ENTREP2: variants seen among roughly 807,000 people sequenced by gnomAD.
ENTREP2 encodes protein ENTREP2.
the ENTREP2 span, among the ~76,000 whole-genome samples, chr15:29,153,368 A>G: frequency 6.6e-6 from 1 of 152,188 alleles, no homozygotes; most frequent in Non-Finnish European, 1.5e-5. Context: ...TGGAAGTCTG[A>G]GATCAGGGTG....
the ENTREP2 span, among the ~76,000 whole-genome samples, chr15:29,340,028 A>T: frequency 6.6e-6 from 1 of 152,234 alleles, no homozygotes; most frequent in Non-Finnish European, 1.5e-5. Context: ...TTAGGATAAG[A>T]CACTAAGATT....
the ENTREP2 span, among the ~76,000 whole-genome samples, chr15:29,545,892 T>C: frequency 0.38 from 58,068 of 152,050 alleles, 11,203 homozygotes; most frequent in East Asian, 0.42. Context: ...AAGATTGATG[T>C]CATTGACTAT....
At chr15:29,156,921 C>G in the ENTREP2 span, among the ~76,000 whole-genome samples, 2 of 151,976 alleles carry the variant, frequency 1.3e-5, no homozygotes. Context: ...ATGGTGAAAC[C>G]CCGTCTCCAC....
the ENTREP2 span, among the ~76,000 whole-genome samples, chr15:29,241,567 T>C: frequency 3.3e-5 from 5 of 152,198 alleles, no homozygotes; most frequent in African/African-American, 1.2e-4. Flanking sequence ...TACTATTTCA[T>C]TTCATATTTA....
At chr15:29,189,132 T>C in the ENTREP2 span, among the ~76,000 whole-genome samples, 3 of 151,982 alleles carry the variant, frequency 2.0e-5, no homozygotes, top group African/African-American at 7.3e-5. Flanking sequence ...AAGTAGGGGG[T>C]TGTGGAAGCC....
chr15:29,146,734 G>A, the ENTREP2 span, among the ~76,000 whole-genome samples: 1 of 152,136 alleles, frequency 6.6e-6, no homozygotes, highest in Non-Finnish European at 1.5e-5. Context: ...TCAGGAGTTT[G>A]AGACCAGCCT....
chr15:29,150,826 G>T, the ENTREP2 span, among the ~76,000 whole-genome samples: 1 of 152,094 alleles, frequency 6.6e-6, no homozygotes, highest in South Asian at 2.1e-4. Flanking sequence ...AGAACCAGCT[G>T]CCTTTTCTTG....
chr15:29,128,822 C>T, the ENTREP2 span: 28 of 1,550,824 alleles, frequency 1.8e-5, no homozygotes, highest in Admixed American at 3.9e-5. Context: ...GTGTTTGGGT[C>T]CCCGGAGCTG....
the ENTREP2 span, among the ~76,000 whole-genome samples, chr15:29,274,898 T>A: frequency 1.3e-5 from 2 of 152,182 alleles, no homozygotes; most frequent in East Asian, 3.9e-4. Flanking sequence ...GAGAGGTAAT[T>A]GTGGGAAAAG....
At chr15:29,446,946 C>A in the ENTREP2 span, among the ~76,000 whole-genome samples, 4 of 152,162 alleles carry the variant, frequency 2.6e-5, no homozygotes, top group Non-Finnish European at 4.4e-5. Context: ...TTTCTCTCAC[C>A]CAGATAATCC....
chr15:29,337,417 A>T, the ENTREP2 span, among the ~76,000 whole-genome samples: 35 of 152,344 alleles, frequency 2.3e-4, no homozygotes, highest in African/African-American at 7.7e-4. Context: ...CTTTTTCTGT[A>T]GACATTCCCC....
At chr15:29,199,731 T>A in the ENTREP2 span, among the ~76,000 whole-genome samples, 9 of 152,210 alleles carry the variant, frequency 5.9e-5, no homozygotes, top group Non-Finnish European at 1.3e-4. Flanking sequence ...TGAGTAAACG[T>A]TTTAAATTTT....
the ENTREP2 span, among the ~76,000 whole-genome samples, chr15:29,470,539 C>T: frequency 8.5e-5 from 13 of 152,320 alleles, no homozygotes; most frequent in South Asian, 1.2e-3. Flanking sequence ...CCGCGGCTGC[C>T]GCTACTAATC....
the ENTREP2 span, among the ~76,000 whole-genome samples, chr15:29,359,424 G>A: frequency 6.6e-6 from 1 of 152,018 alleles, no homozygotes; most frequent in Non-Finnish European, 1.5e-5. Flanking sequence ...CTTTTTTTCT[G>A]AACCCCAAGA....
the ENTREP2 span, among the ~76,000 whole-genome samples, chr15:29,582,976 C>T: frequency 6.6e-6 from 1 of 151,996 alleles, no homozygotes; most frequent in African/African-American, 2.4e-5. Context: ...TTTGAAATTG[C>T]ACATTAAAGG....
the ENTREP2 span, among the ~76,000 whole-genome samples, chr15:29,320,166 A>G: frequency 1.3e-5 from 2 of 152,132 alleles, no homozygotes; most frequent in Non-Finnish European, 2.9e-5. Flanking sequence ...CAGGCCCACT[A>G]AAAGACTGAA....
the ENTREP2 span, among the ~76,000 whole-genome samples, chr15:29,672,214 C>T: frequency 5.9e-5 from 9 of 152,178 alleles, no homozygotes; most frequent in South Asian, 4.1e-4. Context: ...TCTCAAACTA[C>T]TGGCCTCAAG....
At chr15:29,270,441 A>G in the ENTREP2 span, among the ~76,000 whole-genome samples, 3 of 152,236 alleles carry the variant, frequency 2.0e-5, no homozygotes, top group African/African-American at 7.2e-5. Flanking sequence ...TGTCAGTATT[A>G]GGTAAATGTT....
At chr15:29,252,304 A>G in the ENTREP2 span, 5 of 974,484 alleles carry the variant, frequency 5.1e-6, no homozygotes, top group African/African-American at 1.6e-5. Flanking sequence ...TTATTTTTAA[A>G]ATTGCTCTTG....
Sources: gnomAD v4.1 joint callset for allele counts (sites outside exome capture counted in the v4.1 genomes callset) on GRCh38, gnomAD v4.1.1 for gene constraint, MANE v1.5 for transcripts, NCBI Gene and HGNC (gene_info 2026-07-23, HGNC 2026-07-21) for gene names.